The following C9orf153 variants were observed in gnomAD, a reference collection of about 807,000 sequenced individuals.
C9orf153 encodes uncharacterized protein C9orf153.
In C9orf153, 10 loss-of-function variants were observed where a neutral mutation model predicts 9.0. That is an observed-to-expected ratio of 1.11 (90% CI 0.69 to 1.89). The LOEUF is 1.89. Among genes scored for constraint, C9orf153 ranks in the 40% most tolerant of loss-of-function variants. The pLI is 0.00. For missense variants in C9orf153, 108 were observed against 111.0 expected (o/e 0.97, Z 0.12); for synonymous variants, 35 against 37.3 (o/e 0.94, Z 0.23).
chr9:86,225,220 T>C lies in C9orf153; in HGVS notation c.242+2635A>G, dbSNP rs112939423. Among the ~76,000 whole-genome samples the C allele has an allele frequency of 9.9e-3, 1,502 of 152,196 alleles. 14 individuals carry two copies. The highest frequency in any genetic ancestry group is 0.013 in the Non-Finnish European group (916 of 68,014). On this transcript the variant is annotated intron_variant, in intron 3 of 3. Coordinates refer to ENST00000339137, the MANE Select transcript of C9orf153 (RefSeq NM_001276366.4). ...GATCCTAAAGTTCTTCTGGACTGAG[T>C]AGGAGAGTAGAAGATGAATTGTTGC...
intron 1 of C9orf153, among the ~76,000 whole-genome samples, chr9:86,250,915 C>G (rs1332514747): frequency 6.6e-6 from 1 of 152,144 alleles, no homozygotes; most frequent in Non-Finnish European, 1.5e-5. Flanking sequence ...CAGAGTCTTG[C>G]TATTTTGCCC....
chr9:86,248,374 T>C lies in C9orf153; in HGVS notation c.-27+11176A>G, dbSNP rs542875709. Reference sequence around the variant, plus strand: ...GTCTCAAACTCCTGACCTCAGGTGATCTGCCTGTCTCGGCCTCCCAAAGTG... The same window carrying C: ...GTCTCAAACTCCTGACCTCAGGTGACCTGCCTGTCTCGGCCTCCCAAAGTG... On this transcript the variant is annotated intron_variant, in intron 1 of 3. Coordinates refer to ENST00000339137, the MANE Select transcript of C9orf153 (RefSeq NM_001276366.4). Among the ~76,000 whole-genome samples the C allele has an allele frequency of 2.7e-3, 416 of 152,310 alleles. 2 individuals are homozygous for C. Among genetic ancestry groups the C allele is most frequent in the African/African-American group, 9.7e-3 (405 of 41,564 alleles).
At chr9:86,258,863 T>C (rs1228561012) in intron 1 of C9orf153, among the ~76,000 whole-genome samples, 6 of 151,954 alleles carry the variant, frequency 3.9e-5, no homozygotes, top group Non-Finnish European at 8.8e-5. Flanking sequence ...TACTTATGTT[T>C]GTGTGGTACG....
At chr9:86,242,198 G>A (rs574123667) in intron 1 of C9orf153, among the ~76,000 whole-genome samples, 2 of 152,244 alleles carry the variant, frequency 1.3e-5, no homozygotes, top group African/African-American at 4.8e-5. Context: ...AGGACCAGCC[G>A]GGGCAAAGGC....
intron 1 of C9orf153, among the ~76,000 whole-genome samples, chr9:86,238,007 C>T (rs2131188848): frequency 6.6e-6 from 1 of 152,262 alleles, no homozygotes; most frequent in East Asian, 1.9e-4. Flanking sequence ...ATAGCTTGAA[C>T]CCTGGAGGCA....
chr9:86,224,882 A>T (rs1429207578), intron 3 of C9orf153, among the ~76,000 whole-genome samples: 1 of 143,154 alleles, frequency 7.0e-6, no homozygotes, highest in South Asian at 2.2e-4. Context: ...CAGAGGTAGC[A>T]GTGAGCCAAG....
chr9:86,243,730 G>T (rs1587806734), intron 1 of C9orf153, among the ~76,000 whole-genome samples: 1 of 152,172 alleles, frequency 6.6e-6, no homozygotes, highest in South Asian at 2.1e-4. Context: ...TGGCTACATT[G>T]TTCTTAGGCT....
At chr9:86,224,940 CAAAAA>C (rs35723282) in intron 3 of C9orf153, among the ~76,000 whole-genome samples, 1 of 73,942 alleles carries the variant, frequency 1.4e-5, no homozygotes, top group African/African-American at 5.6e-5. Flanking sequence ...GACTCCGTCT[CAAAAA>C]AAAAAAAAAA....
At chr9:86,239,023 A>T (rs961603180) in intron 1 of C9orf153, among the ~76,000 whole-genome samples, 5 of 151,678 alleles carry the variant, frequency 3.3e-5, no homozygotes, top group African/African-American at 9.7e-5. Context: ...CCACTTTGGG[A>T]GGCCGAGGAG....
chr9:86,253,969 C>T (rs552288860), intron 1 of C9orf153, among the ~76,000 whole-genome samples: 28 of 151,828 alleles, frequency 1.8e-4, no homozygotes, highest in Admixed American at 1.4e-3. Flanking sequence ...CATGTGTCTG[C>T]AGTCCCAGCT....
At chr9:86,227,469 C>T (rs1824362186) in intron 3 of C9orf153, 1 of 1,416,802 alleles carries the variant, frequency 7.1e-7, no homozygotes, top group East Asian at 2.6e-5. Context: ...CAGTATTGGA[C>T]CATTTCTGCT....
chr9:86,237,512 G>A lies in C9orf153; in HGVS notation c.-26-7883C>T, dbSNP rs189718163. ...TGCCCAGGCTGGTTTCAAACTCCTA[G>A]GCTTAAGCAATGCTCCTGCCTCAGC... On this transcript the variant is annotated intron_variant, in intron 1 of 3. Coordinates refer to ENST00000339137, the MANE Select transcript of C9orf153 (RefSeq NM_001276366.4). 2.1e-3 allele frequency among the ~76,000 whole-genome samples: 312 copies of A among 152,160 alleles called. 1 individual carries two copies. The highest frequency in any genetic ancestry group is 7.0e-3 in the African/African-American group (292 of 41,512).
chr9:86,246,975 A>G (rs1385053032), intron 1 of C9orf153, among the ~76,000 whole-genome samples: 2 of 152,172 alleles, frequency 1.3e-5, no homozygotes, highest in Non-Finnish European at 2.9e-5. Flanking sequence ...TGTGATCTGC[A>G]CAGAGGCAGG....
chr9:86,229,489 A>C (rs757255940), intron 2 of C9orf153, 49 bp downstream of exon 2: 2 of 1,279,256 alleles, frequency 1.6e-6, no homozygotes, highest in South Asian at 2.5e-5. Context: ...ATGATTCTTG[A>C]ATGTAAAGCT....
At chr9:86,238,588 G>T (rs1824657152) in intron 1 of C9orf153, among the ~76,000 whole-genome samples, 1 of 152,182 alleles carries the variant, frequency 6.6e-6, no homozygotes. Context: ...TACCCCAAGA[G>T]AGGGACTGCC....
At chr9:86,247,967 G>A (rs757603340) in intron 1 of C9orf153, among the ~76,000 whole-genome samples, 2 of 152,188 alleles carry the variant, frequency 1.3e-5, no homozygotes, top group Non-Finnish European at 2.9e-5. Context: ...GGCTCTGCAC[G>A]CATTGGTGGG....
chr9:86,238,163 A>G (rs1164193372), intron 1 of C9orf153, among the ~76,000 whole-genome samples: 2 of 152,118 alleles, frequency 1.3e-5, no homozygotes, highest in Non-Finnish European at 2.9e-5. Context: ...CAAGAAGAAA[A>G]TAGAGGGACC....
At chr9:86,224,601 T>A (rs1431239759) in intron 3 of C9orf153, among the ~76,000 whole-genome samples, 1 of 151,978 alleles carries the variant, frequency 6.6e-6, no homozygotes, top group Non-Finnish European at 1.5e-5. Flanking sequence ...GATCACTATA[T>A]AACACTATTG....
At chr9:86,232,133 T>C (rs1452600861) in intron 1 of C9orf153, among the ~76,000 whole-genome samples, 2 of 152,206 alleles carry the variant, frequency 1.3e-5, no homozygotes, top group Non-Finnish European at 2.9e-5. Flanking sequence ...CTAAGAAATA[T>C]GTCCTCATGT....
Sources: allele counts gnomAD v4.1 joint callset (sites outside exome capture counted in the v4.1 genomes callset), GRCh38; gene constraint gnomAD v4.1.1; transcripts MANE v1.5; gene names NCBI Gene and HGNC (gene_info 2026-07-23, HGNC 2026-07-21).